ELAVL4: variants seen among roughly 807,000 people sequenced by gnomAD.
ELAVL4 encodes ELAV like RNA binding protein 4.
ELAVL4 carries 1 observed loss-of-function variant against 35.6 expected under a neutral mutation model. That is an observed-to-expected ratio of 0.03 (90% confidence interval 0.01 to 0.13). The LOEUF is 0.13. Ranked by LOEUF, ELAVL4 falls within the 10% of genes least tolerant of loss-of-function variation. ELAVL4 has a pLI of 1.00. For missense variants in ELAVL4, 267 were observed against 464.9 expected (o/e 0.57, Z 3.91); for synonymous variants, 156 against 171.0 (o/e 0.91, Z 0.69).
intron 1 of ELAVL4, among the ~76,000 whole-genome samples, chr1:50,060,366 C>A (rs897386867): frequency 4.6e-5 from 7 of 152,162 alleles, no homozygotes; most frequent in African/African-American, 1.7e-4. Context: ...TTTCATGATA[C>A]ATAATTGGGT....
intron 1 of ELAVL4, among the ~76,000 whole-genome samples, chr1:50,057,383 T>C (rs1262117217): frequency 2.6e-5 from 4 of 152,170 alleles, no homozygotes; most frequent in South Asian, 2.1e-4. Flanking sequence ...AAAACATTTT[T>C]ATAAATTCAG....
intron 1 of ELAVL4, among the ~76,000 whole-genome samples, chr1:50,112,040 G>A (rs949964424): frequency 1.1e-4 from 17 of 152,096 alleles, no homozygotes; most frequent in Non-Finnish European, 2.9e-5. Context: ...TTTATTGAAA[G>A]TACACTTAAT....
At chr1:50,169,689 C>T (rs981751203) in intron 2 of ELAVL4, among the ~76,000 whole-genome samples, 22 of 152,204 alleles carry the variant, frequency 1.4e-4, no homozygotes, top group Middle Eastern at 3.4e-3. Context: ...CCCTCAAGTT[C>T]GAATGTCATC....
intron 1 of ELAVL4, among the ~76,000 whole-genome samples, chr1:50,128,723 G>A (rs1277655541): frequency 6.6e-6 from 1 of 152,134 alleles, no homozygotes; most frequent in Non-Finnish European, 1.5e-5. Context: ...TATGTGCAGA[G>A]TGTGGCACAG....
intron 3 of ELAVL4, among the ~76,000 whole-genome samples, chr1:50,191,945 T>C (rs1682724360): frequency 6.6e-6 from 1 of 152,228 alleles, no homozygotes; most frequent in Admixed American, 6.5e-5. Flanking sequence ...TATTTCCTTC[T>C]TCCACTTCTT....
rs1243672633 is a variant in ELAVL4, at chr1:50,109,162, C to T, written c.-28C>T. On this transcript the variant is annotated 5_prime_UTR_variant, in exon 1 of 7. Coordinates refer to ENST00000371824, the MANE Select transcript of ELAVL4 (RefSeq NM_001144774.3). Reference sequence around the variant, plus strand: ...AAATTTTAACAGAAGAGTCGAAGCTCTGCGAGACCCAATATTTGCCAATAA... The same window carrying T: ...AAATTTTAACAGAAGAGTCGAAGCTTTGCGAGACCCAATATTTGCCAATAA... The T allele has an allele frequency of 1.2e-6, 2 of 1,610,126 alleles. No individual in the cohort carries two copies. The highest frequency in any genetic ancestry group is 1.7e-6 in the Non-Finnish European group (2 of 1,178,530).
intron 2 of ELAVL4, among the ~76,000 whole-genome samples, chr1:50,164,171 A>G (rs1430891695): frequency 6.6e-6 from 1 of 152,218 alleles, no homozygotes. Context: ...TTTCTCAGTT[A>G]GAAATAAGTA....
intron 1 of ELAVL4, among the ~76,000 whole-genome samples, chr1:50,072,738 G>C (rs1457861786): frequency 6.6e-6 from 1 of 152,152 alleles, no homozygotes; most frequent in East Asian, 1.9e-4. Context: ...GCCAGACATT[G>C]TGCTTAATCC....
At chr1:50,102,399 A>G (rs750996566), upstream of ELAVL4, among the ~76,000 whole-genome samples, 11 of 151,738 alleles carry the variant, frequency 7.2e-5, no homozygotes, top group Non-Finnish European at 1.5e-4. Context: ...TAATTTCGTT[A>G]TTTCTTCTTC....
chr1:50,164,207 G>A (rs573778996), intron 2 of ELAVL4, among the ~76,000 whole-genome samples: 9 of 152,204 alleles, frequency 5.9e-5, no homozygotes, highest in South Asian at 4.1e-4. Context: ...TATGAGCATT[G>A]AGTCTAAAAT....
In ELAVL4 at chr1:50,109,015, T is replaced by TGGGGGGGG; in HGVS notation, c.-175_-174insGGGGGGGG. The stretch of plus-strand genomic sequence containing the variant: ...GCTCCTTTTCTTTTTTTTCTTTCTC[T>TGGGGGGGG]CCCCCGCCCACCCCCCCAAAAATAA... On this transcript the variant is annotated 5_prime_UTR_variant, in exon 1 of 7. Transcript: ENST00000371824. 2 of 961,060 alleles carry TGGGGGGGG rather than the reference T, an allele frequency of 2.1e-6. No individual in the cohort carries two copies. Among genetic ancestry groups the TGGGGGGGG allele is most frequent in the Non-Finnish European group, 2.4e-6 (2 of 816,940 alleles). The allele number at this position is 961,060 out of a possible 1,614,324, so 59.5% of individuals were successfully genotyped here.
At chr1:50,172,928 G>A (rs1679281868) in intron 2 of ELAVL4, among the ~76,000 whole-genome samples, 1 of 152,096 alleles carries the variant, frequency 6.6e-6, no homozygotes, top group South Asian at 2.1e-4. Flanking sequence ...GACATTTCTT[G>A]TTTGTGTTTT....
chr1:50,122,570 T>C (rs944384364), intron 1 of ELAVL4, among the ~76,000 whole-genome samples: 1 of 152,136 alleles, frequency 6.6e-6, no homozygotes, highest in Non-Finnish European at 1.5e-5. Flanking sequence ...CAGATCCATC[T>C]GTCCCAAATC....
chr1:50,055,668 T>C (rs917431495), intron 1 of ELAVL4, among the ~76,000 whole-genome samples: 3 of 151,980 alleles, frequency 2.0e-5, no homozygotes, highest in Non-Finnish European at 4.4e-5. Context: ...TCTTTCTACT[T>C]TGACCTTCAA....
At chr1:50,182,978 C>T (rs1253850159) in intron 3 of ELAVL4, among the ~76,000 whole-genome samples, 19 of 151,840 alleles carry the variant, frequency 1.3e-4, no homozygotes, top group Non-Finnish European at 4.4e-5. Flanking sequence ...CTGCCTCAGC[C>T]TCCCGAGTAG....
intron 1 of ELAVL4, among the ~76,000 whole-genome samples, chr1:50,051,959 T>C (rs534225104): frequency 2.0e-5 from 3 of 152,244 alleles, no homozygotes; most frequent in African/African-American, 4.8e-5. Context: ...TCTCTTCATA[T>C]GTTCTTTGCT....
chr1:50,102,432 C>T (rs531945478), upstream of ELAVL4, among the ~76,000 whole-genome samples: 7 of 152,052 alleles, frequency 4.6e-5, no homozygotes, highest in Admixed American at 4.6e-4. Flanking sequence ...CCCCTCCCCT[C>T]CTCTCCCTTT....
chr1:50,132,534 G>A (rs1265162636), intron 1 of ELAVL4, among the ~76,000 whole-genome samples: 2 of 152,108 alleles, frequency 1.3e-5, no homozygotes, highest in African/African-American at 2.4e-5. Context: ...GGTTGCTGCC[G>A]GGCGATAGGC....
intron 2 of ELAVL4, among the ~76,000 whole-genome samples, chr1:50,174,000 A>T (rs1218027608): frequency 6.6e-6 from 1 of 152,096 alleles, no homozygotes; most frequent in Non-Finnish European, 1.5e-5. Flanking sequence ...CGTTTCATCT[A>T]TTTTTTTCTA....
Sources: gnomAD v4.1 joint callset for allele counts (sites outside exome capture counted in the v4.1 genomes callset) on GRCh38, gnomAD v4.1.1 for gene constraint, MANE v1.5 for transcripts, NCBI Gene and HGNC (gene_info 2026-07-23, HGNC 2026-07-21) for gene names.